The following FGFBP1 variants were observed in gnomAD, a reference collection of about 807,000 sequenced individuals.
The protein encoded by FGFBP1 is fibroblast growth factor binding protein 1.
FGFBP1 carries 12 observed loss-of-function variants against 14.6 expected under a neutral mutation model. The ratio of observed to expected loss-of-function variants is 0.82; its 90% CI spans 0.53 to 1.33. The LOEUF (loss-of-function observed/expected upper bound fraction) is 1.33. Ranked by LOEUF, FGFBP1 falls within the 40% of genes most tolerant of loss-of-function variation. FGFBP1 has a pLI of 0.00. For synonymous variants in FGFBP1, 117 were observed against 105.0 expected (o/e 1.11, Z -0.70); for missense variants, 317 against 271.8 (o/e 1.17, Z -1.17).
chr4:15,936,211 T>C lies in FGFBP1; in HGVS notation c.422A>G (p.Lys141Arg). 1 of 1,614,214 alleles carries C rather than the reference T, an allele frequency of 6.2e-7. No individual in the cohort carries two copies. Among genetic ancestry groups the C allele is most frequent in the Non-Finnish European group, 8.5e-7 (1 of 1,180,018 alleles). The change falls in exon 3 of 3, where the codon AAG (lysine) becomes AGG (arginine). Residue 141 changes from lysine (K) to arginine (R), a missense_variant. Coordinates refer to ENST00000382333, the MANE Select transcript of FGFBP1 (RefSeq NM_005130.5). ...CTTAAGACTGGATTCTGGAAAATCC[T>C]TTCTGCACACTCTGGTTTTCACAGC... ...KTAVKTRVCR[K>R]DFPESSLKLV...
Position 15,935,958 on chromosome 4 carries a change from G to A in FGFBP1, c.675C>T (p.Phe225=), listed in dbSNP as rs762998441. 1.2e-6 allele frequency: 2 copies of A among 1,612,368 alleles called. No individual in the cohort carries two copies. Among genetic ancestry groups the A allele is most frequent in the Admixed American group, 1.7e-5 (1 of 59,886 alleles). Residue 225 remains phenylalanine, a synonymous_variant, in exon 3 of 3, where the codon TTC becomes TTT. Coordinates refer to ENST00000382333, the MANE Select transcript of FGFBP1 (RefSeq NM_005130.5). ...GETWSSLCTF[F]LSIVQDTSC ...ATGACGTGTCCTGCACTATGCTGAG[G>A]AAGAATGTGCAGAGAGAGCTCCAAG... is the stretch of plus-strand genomic sequence containing the variant.
In FGFBP1 at chr4:15,936,041, CA is replaced by C; in HGVS notation, c.591del (p.Cys197TrpfsTer32). The C allele has an allele frequency of 6.2e-7, 1 of 1,614,204 alleles. No homozygotes were observed. Among genetic ancestry groups the C allele is most frequent in the Non-Finnish European group, 8.5e-7 (1 of 1,180,020 alleles). ...TQTMATKAPE[C>X]VEDPDMANQR... Reference sequence around the variant, plus strand: ...TGGTTTGCCATATCTGGGTCCTCCACACACTCGGGAGCTTTGGTGGCCATGG... The same window carrying C: ...TGGTTTGCCATATCTGGGTCCTCCACCACTCGGGAGCTTTGGTGGCCATGG... On this transcript the variant is annotated frameshift_variant, in exon 3 of 3. Transcript: ENST00000382333. LOFTEE classifies it high-confidence loss of function.
rs542333278 is a variant in FGFBP1, at chr4:15,936,028, T to C, written c.605A>G (p.Asp202Gly). Residue 202 changes from aspartate (D) to glycine (G), a missense_variant, in exon 3 of 3, where the codon GAT becomes GGT. Physicochemically the swap from Asp to Gly is moderately conservative, Grantham distance 94. Coordinates refer to ENST00000382333, the MANE Select transcript of FGFBP1 (RefSeq NM_005130.5). ...TKAPECVEDP[D>G]MANQRKTALE... ...GGCAGTCTTCCTCTGGTTTGCCATA[T>C]CTGGGTCCTCCACACACTCGGGAGC... is the stretch of plus-strand genomic sequence containing the variant. The C allele has an allele frequency of 4.3e-6, 7 of 1,614,138 alleles. No homozygotes were observed. In the African/African-American group the frequency reaches 9.3e-5, roughly 22 times the overall value.
rs1712463027 is a variant in FGFBP1 at position 15,935,897 on chromosome 4, T to C, written c.*31A>G. The C allele has an allele frequency of 7.0e-7, 1 of 1,434,796 alleles. No homozygotes were observed. Among genetic ancestry groups the C allele is most frequent in the Non-Finnish European group, 9.5e-7 (1 of 1,048,100 alleles). The allele number at this position is 1,434,796 out of a possible 1,614,324, so 88.9% of individuals were successfully genotyped here. A position where few individuals can be genotyped will look rare whatever the true frequency, so the allele number is the denominator to read the frequency against. On this transcript the variant is annotated 3_prime_UTR_variant, in exon 3 of 3. Coordinates refer to ENST00000382333, the MANE Select transcript of FGFBP1 (RefSeq NM_005130.5). ...ACAGAGGGACTTACGACATGACATC[T>C]CTTAAGGGAACCCGTTCTCTTTTGA...
In FGFBP1 at chr4:15,936,253, C is replaced by A. The variant is rs1202445124; in HGVS notation, c.380G>T (p.Cys127Phe). The change falls in exon 3 of 3, where the codon TGT (cysteine) becomes TTT (phenylalanine). Residue 127 changes from cysteine to phenylalanine, a missense_variant. By Grantham distance (205) the Cys-to-Phe change is radical. Transcript: ENST00000382333. ...ARNLRSQKDI[C>F]RYSKTAVKTR... ...TTTCACAGCTGTCTTGGAATATCTACAGATGTCTTTCTGTGAGCGCAGATT... is the reference window on the plus strand; with the variant it reads ...TTTCACAGCTGTCTTGGAATATCTAAAGATGTCTTTCTGTGAGCGCAGATT... 1 of 1,614,208 alleles carries A rather than the reference C, an allele frequency of 6.2e-7. No homozygotes were observed. The highest frequency in any genetic ancestry group is 1.7e-5 in the Admixed American group (1 of 60,024).
At position 15,935,975 on chromosome 4, in the gene FGFBP1, A is replaced by G. The variant is rs1038146709; in HGVS notation, c.658T>C (p.Ser220Pro). 6.2e-7 allele frequency: 1 copy of G among 1,613,504 alleles called. No homozygotes were observed. The highest frequency in any genetic ancestry group is 8.5e-7 in the Non-Finnish European group (1 of 1,179,774). The change falls in exon 3 of 3, where the codon TCT becomes CCT. Residue 220 changes from serine (S) to proline (P), a missense_variant. Coordinates refer to ENST00000382333, the MANE Select transcript of FGFBP1 (RefSeq NM_005130.5). The stretch of plus-strand genomic sequence containing the variant: ...ATGCTGAGGAAGAATGTGCAGAGAG[A>G]GCTCCAAGTCTCTCCACAGAACTCC... ...ALEFCGETWSSLCTFFLSIVQ... is the reference protein window; with the variant it reads ...ALEFCGETWSPLCTFFLSIVQ...
At position 15,936,233 on chromosome 4, in the gene FGFBP1, C is replaced by G. The variant is rs143214990; in HGVS notation, c.400G>C (p.Val134Leu). ...KDICRYSKTA[V>L]KTRVCRKDFP... ...TCCTTTCTGCACACTCTGGTTTTCA[C>G]AGCTGTCTTGGAATATCTACAGATG... Residue 134 changes from valine to leucine, a missense_variant, in exon 3 of 3, where the codon GTG becomes CTG. By Grantham distance (32) the Val-to-Leu change is conservative (BLOSUM62 1). Transcript: ENST00000382333. 100 of 1,614,092 alleles carry G rather than the reference C, an allele frequency of 6.2e-5. No individual in the cohort carries two copies. The African/African-American group carries it at 1.2e-3, about 19-fold the overall frequency.
In FGFBP1 at chr4:15,935,817, C is replaced by A. The variant is rs897867623; in HGVS notation, c.*111G>T. On this transcript the variant is annotated 3_prime_UTR_variant, in exon 3 of 3. Coordinates refer to ENST00000382333, the MANE Select transcript of FGFBP1 (RefSeq NM_005130.5). Reference sequence around the variant, plus strand: ...AAACTTGTTTAAATATTTCGTTGCACTCACTAAGCACAAAAGTTCATATTT... The same window carrying A: ...AAACTTGTTTAAATATTTCGTTGCAATCACTAAGCACAAAAGTTCATATTT... 3.1e-6 allele frequency: 2 copies of A among 651,858 alleles called. No individual in the cohort carries two copies. Among genetic ancestry groups the A allele is most frequent in the Non-Finnish European group, 5.0e-6 (2 of 396,654 alleles). The allele number at this position is 651,858 out of a possible 1,614,324, so 40.4% of individuals were successfully genotyped here.
In FGFBP1 at chr4:15,936,642, T is replaced by TG. The variant is rs1363792494; in HGVS notation, c.-11dup. 6.3e-7 allele frequency: 1 copy of TG among 1,590,576 alleles called. No homozygotes were observed. The highest frequency in any genetic ancestry group is 1.7e-5 in the Admixed American group (1 of 59,062). ...GGCTACAGATCTTCATGGCTGCAGCTGGGCGTTCACCTGTTTGACAAAAGG... is the reference window on the plus strand; with the variant it reads ...GGCTACAGATCTTCATGGCTGCAGCTGGGGCGTTCACCTGTTTGACAAAAGG... On this transcript the variant is annotated 5_prime_UTR_variant, in exon 3 of 3. Transcript: ENST00000382333.
At chr4:15,937,570 G>A (rs2245928) in intron 2 of FGFBP1, among the ~76,000 whole-genome samples, 141,622 of 152,304 alleles carry the variant, frequency 0.93, 66,112 homozygotes, top group South Asian at 0.97. Context: ...AGAGAAGTCA[G>A]TTTCTATATG....
chr4:15,937,424 A>C (rs1173593562), intron 2 of FGFBP1, among the ~76,000 whole-genome samples: 1 of 152,180 alleles, frequency 6.6e-6, no homozygotes, highest in Non-Finnish European at 1.5e-5. Flanking sequence ...GGTGAATTTC[A>C]ACCAGATAGT....
rs777475681 is a variant in FGFBP1, at chr4:15,936,436, G to A, written c.197C>T (p.Ala66Val). ...NKGKFVTKDQ[A>V]NCRWAATEQE... Reference sequence around the variant, plus strand: ...CTCAGTAGCAGCCCATCTGCAGTTGGCTTGGTCTTTGGTGACAAACTTGCC... The same window carrying A: ...CTCAGTAGCAGCCCATCTGCAGTTGACTTGGTCTTTGGTGACAAACTTGCC... Residue 66 changes from alanine (A) to valine (V), a missense_variant, in exon 3 of 3, where the codon GCC becomes GTC. Physicochemically the swap from Ala to Val is moderately conservative, Grantham distance 64. Coordinates refer to ENST00000382333, the MANE Select transcript of FGFBP1 (RefSeq NM_005130.5). 5 of 1,614,062 alleles carry A rather than the reference G, an allele frequency of 3.1e-6. No homozygotes were observed. Among genetic ancestry groups the A allele is most frequent in the Non-Finnish European group, 4.2e-6 (5 of 1,180,038 alleles).
At position 15,936,267 on chromosome 4, in the gene FGFBP1, T is replaced by C. The variant is rs770699639; in HGVS notation, c.366A>G (p.Ser122=). 1.2e-6 allele frequency: 2 copies of C among 1,614,084 alleles called. No individual in the cohort carries two copies. Among genetic ancestry groups the C allele is most frequent in the Non-Finnish European group, 1.7e-6 (2 of 1,180,036 alleles). ...YWKQVARNLR[S]QKDICRYSKT... ...TGGAATATCTACAGATGTCTTTCTG[T>C]GAGCGCAGATTCCGGGCAACTTGTT... The change falls in exon 3 of 3, where the codon TCA becomes TCG. Residue 122 remains serine, a synonymous_variant. Transcript: ENST00000382333.
At position 15,936,193 on chromosome 4, in the gene FGFBP1, C is replaced by G; in HGVS notation, c.440G>C (p.Ser147Thr). The G allele has an allele frequency of 6.2e-7, 1 of 1,614,204 alleles. No homozygotes were observed. Among genetic ancestry groups the G allele is most frequent in the Non-Finnish European group, 8.5e-7 (1 of 1,180,036 alleles). The change falls in exon 3 of 3, where the codon AGT becomes ACT. Residue 147 changes from serine (S) to threonine (T), a missense_variant. Transcript: ENST00000382333. ...RVCRKDFPESSLKLVSSTLFG... is the reference protein window; with the variant it reads ...RVCRKDFPESTLKLVSSTLFG... ...TAGAGTGGAGCTGACTAGCTTAAGA[C>G]TGGATTCTGGAAAATCCTTTCTGCA...
rs941831432 is a variant in FGFBP1 at position 15,936,257 on chromosome 4, T to G, written c.376A>C (p.Ile126Leu). 5.0e-6 allele frequency: 8 copies of G among 1,614,050 alleles called. No individual in the cohort carries two copies. The highest frequency in any genetic ancestry group is 6.8e-6 in the Non-Finnish European group (8 of 1,180,006). The change falls in exon 3 of 3, where the codon ATC becomes CTC. Residue 126 changes from isoleucine (I) to leucine (L), a missense_variant. By Grantham distance (5) the Ile-to-Leu change is conservative. Coordinates refer to ENST00000382333, the MANE Select transcript of FGFBP1 (RefSeq NM_005130.5). The part of the protein sequence containing the change: ...VARNLRSQKD[I>L]CRYSKTAVKT... ...ACAGCTGTCTTGGAATATCTACAGATGTCTTTCTGTGAGCGCAGATTCCGG... is the reference window on the plus strand; with the variant it reads ...ACAGCTGTCTTGGAATATCTACAGAGGTCTTTCTGTGAGCGCAGATTCCGG...
At chr4:15,936,680 T>C (rs1422339285) in intron 2 of FGFBP1, 28 bp from the exon 3 acceptor site, 2 of 1,408,936 alleles carry the variant, frequency 1.4e-6, no homozygotes, top group African/African-American at 2.8e-5. Context: ...AGTGAGTCAG[T>C]GGCAGGCAGC....
chr4:15,938,643 A>T (rs1490144971), intron 1 of FGFBP1, 44 bp downstream of exon 1: 1 of 152,246 alleles, frequency 6.6e-6, no homozygotes, highest in Non-Finnish European at 1.5e-5. Context: ...TAAAATAACT[A>T]TAATGACATG....
In FGFBP1 at chr4:15,935,923, C is replaced by A. The variant is rs368007794; in HGVS notation, c.*5G>T. The A allele has an allele frequency of 1.3e-6, 2 of 1,569,514 alleles. No homozygotes were observed. Among genetic ancestry groups the A allele is most frequent in the East Asian group, 2.2e-5 (1 of 44,490 alleles). On this transcript the variant is annotated 3_prime_UTR_variant, in exon 3 of 3. Transcript: ENST00000382333. ...CTTAAGGGAACCCGTTCTCTTTTGA[C>A]CTCATTAGCATGACGTGTCCTGCAC...
At chr4:15,937,344 A>G (rs930362334) in intron 2 of FGFBP1, among the ~76,000 whole-genome samples, 67 of 152,150 alleles carry the variant, frequency 4.4e-4, no homozygotes, top group African/African-American at 1.5e-3. Context: ...GGGAAGTAAG[A>G]GTTTAAGGAA....
Sources: gnomAD v4.1 joint callset for allele counts (sites outside exome capture counted in the v4.1 genomes callset) on GRCh38, gnomAD v4.1.1 for gene constraint, MANE v1.5 for transcripts, NCBI Gene and HGNC (gene_info 2026-07-23, HGNC 2026-07-21) for gene names.